The following GARIN2 variants were observed in gnomAD, a reference collection of about 807,000 sequenced individuals.
The protein encoded by GARIN2 is golgi associated RAB2 interactor family member 2, also known as Golgi-associated RAB2 interactor protein 2.
chr14:67,221,875 A>G, the GARIN2 span: 11 of 1,585,670 alleles, frequency 6.9e-6, no homozygotes, highest in African/African-American at 9.4e-5. Context: ...TCTGGTTCCT[A>G]GAAGAGTAGT....
At chr14:67,225,034 C>A in the GARIN2 span, 1 of 1,288,256 alleles carries the variant, frequency 7.8e-7, no homozygotes, top group Non-Finnish European at 1.0e-6. Context: ...TTTTTTCCTC[C>A]TGCTTTTGGC....
the GARIN2 span, chr14:67,198,896 A>C: frequency 1.4e-6 from 1 of 689,796 alleles, no homozygotes; most frequent in Non-Finnish European, 2.7e-6. Flanking sequence ...TCATACCTCT[A>C]AAGTTCCTAG....
At chr14:67,193,968 A>G in the GARIN2 span, among the ~76,000 whole-genome samples, 2 of 150,306 alleles carry the variant, frequency 1.3e-5, no homozygotes, top group African/African-American at 2.5e-5. Flanking sequence ...AAAAAAACGA[A>G]AAACAAAAAA....
chr14:67,195,697 A>T, the GARIN2 span, among the ~76,000 whole-genome samples: 1 of 147,526 alleles, frequency 6.8e-6, no homozygotes, highest in African/African-American at 2.5e-5. Context: ...TATAGAACTT[A>T]ATGCTTTCTT....
the GARIN2 span, chr14:67,203,010 C>A: frequency 7.3e-7 from 1 of 1,375,442 alleles, no homozygotes; most frequent in Non-Finnish European, 9.9e-7. Context: ...TATTTCCTAC[C>A]CTCTCTTACA....
chr14:67,195,676 A>G, the GARIN2 span, among the ~76,000 whole-genome samples: 1 of 152,032 alleles, frequency 6.6e-6, no homozygotes, highest in Admixed American at 6.6e-5. Flanking sequence ...GAAAGGAAAC[A>G]TGCTGCTAAT....
chr14:67,196,502 G>A, the GARIN2 span, among the ~76,000 whole-genome samples: 1 of 152,164 alleles, frequency 6.6e-6, no homozygotes, highest in African/African-American at 2.4e-5. Context: ...GATTATAGGC[G>A]TGAGCTACTG....
the GARIN2 span, among the ~76,000 whole-genome samples, chr14:67,218,824 G>A: frequency 2.0e-5 from 3 of 152,038 alleles, no homozygotes; most frequent in Non-Finnish European, 4.4e-5. Flanking sequence ...GCTGACTCAA[G>A]GGTGGGTTTT....
At chr14:67,190,334 G>A in the GARIN2 span, among the ~76,000 whole-genome samples, 4 of 148,736 alleles carry the variant, frequency 2.7e-5, no homozygotes, top group Admixed American at 6.7e-5. Context: ...AGCCATTCTC[G>A]TGCCTCAGCC....
chr14:67,226,055 G>A, the GARIN2 span, among the ~76,000 whole-genome samples: 23,772 of 152,010 alleles, frequency 0.16, 3,521 homozygotes, highest in East Asian at 0.42. Context: ...GGTGGCCTGG[G>A]CAGTAACCCC....
At chr14:67,201,725 A>G in the GARIN2 span, 5,201 of 342,786 alleles carry the variant, frequency 0.015, 62 homozygotes, top group Middle Eastern at 0.054. Flanking sequence ...CTGTTAATCC[A>G]GAAGAAGAGG....
the GARIN2 span, among the ~76,000 whole-genome samples, chr14:67,211,673 A>C: frequency 1.3e-3 from 199 of 152,196 alleles, no homozygotes; most frequent in Non-Finnish European, 2.1e-3. Flanking sequence ...ACACGCCTGT[A>C]ATCCCATCAA....
the GARIN2 span, chr14:67,225,029 TC>T: frequency 8.3e-7 from 1 of 1,204,516 alleles, no homozygotes; most frequent in Non-Finnish European, 1.1e-6. Context: ...GCCTTTTTTT[TC>T]CTCCTGCTTT....
the GARIN2 span, among the ~76,000 whole-genome samples, chr14:67,227,006 A>G: frequency 1.3e-5 from 2 of 152,222 alleles, no homozygotes; most frequent in African/African-American, 2.4e-5. Context: ...AGATAACTCA[A>G]TATTTTACAA....
At chr14:67,226,640 C>T in the GARIN2 span, among the ~76,000 whole-genome samples, 19 of 144,634 alleles carry the variant, frequency 1.3e-4, no homozygotes, top group African/African-American at 4.4e-4. Context: ...GGATTACAGG[C>T]GTGAGCCACT....
the GARIN2 span, chr14:67,223,899 A>G: frequency 4.1e-6 from 4 of 985,640 alleles, no homozygotes; most frequent in Non-Finnish European, 4.8e-6. Context: ...CTGAATCTTA[A>G]TACCTCATTT....
chr14:67,201,595 A>C, the GARIN2 span: 1 of 453,434 alleles, frequency 2.2e-6, no homozygotes, highest in South Asian at 1.6e-5. Context: ...GCCACTGCTG[A>C]AACCAGTCAC....
chr14:67,225,677 G>GT, the GARIN2 span, among the ~76,000 whole-genome samples: 1 of 152,150 alleles, frequency 6.6e-6, no homozygotes, highest in African/African-American at 2.4e-5. Context: ...GTCATGTACA[G>GT]TTATGTAGCT....
the GARIN2 span, among the ~76,000 whole-genome samples, chr14:67,218,852 G>A: frequency 2.0e-5 from 3 of 151,826 alleles, no homozygotes; most frequent in African/African-American, 4.8e-5. Flanking sequence ...TAAGACTGTC[G>A]TACTCTCCCT....
Sources: gnomAD v4.1 joint callset for allele counts (sites outside exome capture counted in the v4.1 genomes callset) on GRCh38, gnomAD v4.1.1 for gene constraint, MANE v1.5 for transcripts, NCBI Gene and HGNC (gene_info 2026-07-23, HGNC 2026-07-21) for gene names.